Variants in PDSS1 observed in about 807,000 individuals in gnomAD.
The protein encoded by PDSS1 is decaprenyl diphosphate synthase subunit 1.
PDSS1 carries 43 observed loss-of-function variants against 57.5 expected under a neutral mutation model. That is an observed-to-expected ratio of 0.75 (90% CI 0.59 to 0.96). The LOEUF is 0.96. Ranked by LOEUF, PDSS1 falls within the 50% of genes least tolerant of loss-of-function variation. The probability of loss-of-function intolerance (pLI) is 0.00; values close to 1 mark genes in which losing one functional copy is unlikely to be tolerated. For synonymous variants in PDSS1, 175 were observed against 191.3 expected, an observed-to-expected ratio of 0.91 and a Z score of 0.70; for missense variants, 438 against 527.8, an observed-to-expected ratio of 0.83 and a Z score of 1.67.
chr10:26,735,378 C>T, intron 9 of PDSS1, 58 bp downstream of exon 9: 1 of 1,386,620 alleles, frequency 7.2e-7, no homozygotes, highest in Non-Finnish European at 1.0e-6. Flanking sequence ...AGCATTCTCC[C>T]CTAGTGTGTA....
chr10:26,723,770 T>G, intron 6 of PDSS1, 36 bp from the exon 7 acceptor site: 1 of 1,428,566 alleles, frequency 7.0e-7, no homozygotes, highest in Non-Finnish European at 9.9e-7. Flanking sequence ...TGATGGATTT[T>G]TCAGAACGTT....
At chr10:26,739,326 TTTTA>T (rs745882814) in intron 10 of PDSS1, among the ~76,000 whole-genome samples, 3 of 152,340 alleles carry the variant, frequency 2.0e-5, no homozygotes, top group Non-Finnish European at 4.4e-5. Context: ...CAAACAGAAT[TTTTA>T]TTTGTCACTA....
At chr10:26,727,073 AC>A (rs1835978215) in intron 8 of PDSS1, among the ~76,000 whole-genome samples, 2 of 124,002 alleles carry the variant, frequency 1.6e-5, no homozygotes, top group Non-Finnish European at 1.9e-5. Context: ...AAAAAAACAA[AC>A]AAACCAGAAT....
intron 2 of PDSS1, among the ~76,000 whole-genome samples, chr10:26,704,180 C>T (rs946870726): frequency 6.7e-6 from 1 of 150,228 alleles, no homozygotes; most frequent in Non-Finnish European, 1.5e-5. Context: ...CAAAACACCC[C>T]CACAATCCGA....
intron 4 of PDSS1, 77 bp from the exon 5 acceptor site, chr10:26,709,561 C>CAAAA: frequency 8.7e-7 from 1 of 1,153,788 alleles, no homozygotes; most frequent in Non-Finnish European, 1.2e-6. Context: ...AACTCCGTCT[C>CAAAA]AAAAAAAAAA....
chr10:26,745,809 G>A (rs867474531), intron 11 of PDSS1, among the ~76,000 whole-genome samples: 1 of 151,530 alleles, frequency 6.6e-6, no homozygotes, highest in Non-Finnish European at 1.5e-5. Flanking sequence ...ATCATGTCAT[G>A]CACTCTAGCT....
intron 10 of PDSS1, 73 bp downstream of exon 10, chr10:26,735,652 T>C: frequency 1.2e-6 from 1 of 841,052 alleles, no homozygotes; most frequent in Non-Finnish European, 2.1e-6. Context: ...GCACAGCTGA[T>C]GGGAAGATTG....
At chr10:26,704,005 CT>C (rs1835127970) in intron 2 of PDSS1, among the ~76,000 whole-genome samples, 1 of 146,810 alleles carries the variant, frequency 6.8e-6, no homozygotes, top group South Asian at 2.2e-4. Flanking sequence ...GGCGTGAACC[CT>C]GGGGGGCGGA....
intron 5 of PDSS1, chr10:26,717,623 A>G (rs1835635323): frequency 6.6e-6 from 1 of 152,210 alleles, no homozygotes. Context: ...GATTACCAAA[A>G]CAACTCTAGT....
chr10:26,703,954 G>A (rs1279651413), intron 2 of PDSS1, among the ~76,000 whole-genome samples: 1 of 151,656 alleles, frequency 6.6e-6, no homozygotes, highest in Non-Finnish European at 1.5e-5. Flanking sequence ...GGTGGTGGGC[G>A]CCTGTAGTCC....
chr10:26,729,197 C>T (rs941637635), intron 8 of PDSS1, among the ~76,000 whole-genome samples: 2 of 152,190 alleles, frequency 1.3e-5, no homozygotes, highest in African/African-American at 4.8e-5. Context: ...ATTTTTTCAG[C>T]ACCCCATTTC....
intron 10 of PDSS1, among the ~76,000 whole-genome samples, chr10:26,736,648 G>T (rs892029262): frequency 1.3e-5 from 2 of 151,492 alleles, no homozygotes; most frequent in Non-Finnish European, 2.9e-5. Flanking sequence ...GGAGGCTGAC[G>T]TTCTGGGTGG....
intron 6 of PDSS1, 87 bp downstream of exon 6, chr10:26,720,446 A>C (rs1835747975): frequency 2.2e-6 from 2 of 913,202 alleles, no homozygotes; most frequent in East Asian, 4.8e-5. Context: ...GTCTCATTAA[A>C]AATATGCTTG....
Position 26,735,280 on chromosome 10 carries a change from T to C in PDSS1, c.872T>C (p.Ile291Thr), listed in dbSNP as rs1836354147. Residue 291 changes from isoleucine to threonine, a missense_variant, in exon 9 of 12, where the codon ATC becomes ACC. This residue lies in a region of PDSS1 where 284 missense variants were observed against 390.7 expected (regional missense o/e 0.73). Transcript: ENST00000376215. ...LGCPDPVVHE[I>T]AYQYGKNVGI... ...TGTCCCGACCCAGTGGTGCATGAGA[T>C]CGCCTATCAGTACGGAAAAAATGTA... 2 of 1,613,742 alleles carry C rather than the reference T, an allele frequency of 1.2e-6. No individual in the cohort carries two copies. Among genetic ancestry groups the C allele is most frequent in the Non-Finnish European group, 8.5e-7 (1 of 1,179,604 alleles).
At chr10:26,729,904 C>CTTTTTT (rs71403886) in intron 8 of PDSS1, among the ~76,000 whole-genome samples, 2 of 75,332 alleles carry the variant, frequency 2.7e-5, no homozygotes, top group Non-Finnish European at 4.8e-5. Flanking sequence ...TAGTTGGTTC[C>CTTTTTT]TTTTTTTTTT....
intron 6 of PDSS1, among the ~76,000 whole-genome samples, chr10:26,721,651 T>G (rs1186435561): frequency 1.3e-5 from 2 of 152,154 alleles, no homozygotes; most frequent in Middle Eastern, 3.2e-3. Context: ...TTGGAGAGGA[T>G]GTGGGTAACT....
chr10:26,719,181 T>C (rs1309908051), intron 5 of PDSS1, among the ~76,000 whole-genome samples: 3 of 152,332 alleles, frequency 2.0e-5, no homozygotes, highest in South Asian at 4.1e-4. Context: ...AATGAGGATA[T>C]GTTTTAGGTT....
At position 26,723,790 on chromosome 10, in the gene PDSS1, C is replaced by A; in HGVS notation, c.610-16C>A. 1 of 1,546,910 alleles carries A rather than the reference C, an allele frequency of 6.5e-7. No individual in the cohort carries two copies. Among genetic ancestry groups the A allele is most frequent in the African/African-American group, 1.4e-5 (1 of 73,780 alleles). ...GATTTTTCAGAACGTTCTGTTTTCC[C>A]CCTGTCTTTTTCTAGGCTGTTCTTG... On this transcript the variant is annotated splice_polypyrimidine_tract_variant and intron_variant, in intron 6 of 11. Transcript: ENST00000376215.
At chr10:26,740,003 G>A (rs1203390504) in intron 10 of PDSS1, among the ~76,000 whole-genome samples, 1 of 152,168 alleles carries the variant, frequency 6.6e-6, no homozygotes, top group African/African-American at 2.4e-5. Flanking sequence ...TTAGCTGGGC[G>A]TGGTGGCTTG....
Sources: gnomAD v4.1 joint callset for allele counts (sites outside exome capture counted in the v4.1 genomes callset) on GRCh38, gnomAD v4.1.1 for gene constraint, gnomAD v4.1.1 regional missense constraint, MANE v1.5 for transcripts, NCBI Gene and HGNC (gene_info 2026-07-23, HGNC 2026-07-21) for gene names.